RSU1: variants seen among roughly 807,000 people sequenced by gnomAD.
The protein encoded by RSU1 is rsu-1.
In RSU1, 26 loss-of-function variants were observed where a neutral mutation model predicts 31.1. The observed-to-expected ratio is 0.84, with a 90% confidence interval of 0.61 to 1.16. The LOEUF (loss-of-function observed/expected upper bound fraction) is 1.16, where lower values mean the gene tolerates loss of function less well. Ranked by LOEUF, RSU1 falls within the 50% of genes most tolerant of loss-of-function variation. The pLI, the probability that RSU1 is intolerant of heterozygous loss-of-function variation, is 0.00. For missense variants in RSU1, 320 were observed against 339.1 expected (o/e 0.94, Z 0.44); for synonymous variants, 164 against 136.3 (o/e 1.20, Z -1.41).
chr10:16,727,026 C>A, intron 7 of RSU1: 1 of 456,048 alleles, frequency 2.2e-6, no homozygotes, highest in Non-Finnish European at 4.4e-6. Context: ...GCTTTAACAA[C>A]TTACCTGAAG....
intron 7 of RSU1, among the ~76,000 whole-genome samples, chr10:16,751,977 G>A (rs192133288): frequency 1.8e-4 from 28 of 152,184 alleles, no homozygotes; most frequent in African/African-American, 6.0e-4. Flanking sequence ...AGGATTCAGC[G>A]GCCAGGAGTA....
chr10:16,767,033 AAAAAG>A (rs1371173355), intron 3 of RSU1, among the ~76,000 whole-genome samples: 1 of 151,636 alleles, frequency 6.6e-6, no homozygotes, highest in Non-Finnish European at 1.5e-5. Flanking sequence ...AAAAAAAAAA[AAAAAG>A]AAAAGAAAAT....
chr10:16,598,181 A>T (rs1470170084), intron 8 of RSU1, among the ~76,000 whole-genome samples: 1 of 152,124 alleles, frequency 6.6e-6, no homozygotes, highest in East Asian at 1.9e-4. Flanking sequence ...AAGAACCTTG[A>T]GCTGGGAAGA....
Position 16,771,404 on chromosome 10 carries a change from G to C in RSU1, c.161-6894C>G, listed in dbSNP as rs114287706. Among the ~76,000 whole-genome samples the C allele has an allele frequency of 3.7e-3, 562 of 152,286 alleles. 5 individuals carry two copies. Among genetic ancestry groups the C allele is most frequent in the African/African-American group, 0.013 (539 of 41,550 alleles). On this transcript the variant is annotated intron_variant, in intron 3 of 8. Transcript: ENST00000345264. ...TGGGGCATCCATGGTCAAAGTAAAAGCACAGCCTTTTTAATCTCTAGCTGT... is the reference window on the plus strand; with the variant it reads ...TGGGGCATCCATGGTCAAAGTAAAACCACAGCCTTTTTAATCTCTAGCTGT...
chr10:16,728,614 C>T (rs1446832063), intron 7 of RSU1, among the ~76,000 whole-genome samples: 4 of 152,156 alleles, frequency 2.6e-5, no homozygotes, highest in Non-Finnish European at 5.9e-5. Flanking sequence ...TGTCCCAATC[C>T]CTGGAACCTG....
chr10:16,690,430 A>G (rs1218413052), intron 8 of RSU1, among the ~76,000 whole-genome samples: 4 of 152,148 alleles, frequency 2.6e-5, no homozygotes, highest in Non-Finnish European at 5.9e-5. Flanking sequence ...CACCTGAGAC[A>G]TGATGAAGGG....
chr10:16,738,965 G>A (rs192761260), intron 7 of RSU1, among the ~76,000 whole-genome samples: 1 of 150,446 alleles, frequency 6.6e-6, no homozygotes, highest in East Asian at 2.0e-4. Context: ...TGTGGTGTTT[G>A]GTTTTCTGTT....
intron 7 of RSU1, among the ~76,000 whole-genome samples, chr10:16,698,434 T>C (rs1306825882): frequency 1.3e-5 from 2 of 152,192 alleles, no homozygotes; most frequent in African/African-American, 2.4e-5. Context: ...ACACAGCCTC[T>C]TGTTAACTTA....
intron 8 of RSU1, among the ~76,000 whole-genome samples, chr10:16,607,975 C>A (rs551089625): frequency 2.0e-5 from 3 of 152,256 alleles, no homozygotes; most frequent in South Asian, 2.1e-4. Flanking sequence ...GGATTACAGG[C>A]ACATACCACC....
intron 8 of RSU1, among the ~76,000 whole-genome samples, chr10:16,684,817 A>T (rs1257009473): frequency 6.6e-6 from 1 of 152,208 alleles, no homozygotes; most frequent in African/African-American, 2.4e-5. Context: ...CCCAAAAGCC[A>T]CTGTACTTAT....
chr10:16,787,406 G>A (rs569052886), intron 2 of RSU1, among the ~76,000 whole-genome samples: 68 of 152,186 alleles, frequency 4.5e-4, no homozygotes, highest in Middle Eastern at 3.4e-3. Flanking sequence ...CACTCTGCCT[G>A]GGCCCCGACT....
intron 7 of RSU1, among the ~76,000 whole-genome samples, chr10:16,751,602 T>C (rs1290548875): frequency 6.6e-6 from 1 of 152,218 alleles, no homozygotes; most frequent in Non-Finnish European, 1.5e-5. Flanking sequence ...TCTGAGCACC[T>C]ACTGTACCCG....
At chr10:16,683,303 A>G (rs1835371443) in intron 8 of RSU1, among the ~76,000 whole-genome samples, 1 of 152,132 alleles carries the variant, frequency 6.6e-6, no homozygotes, top group African/African-American at 2.4e-5. Flanking sequence ...ATGAAGGAAC[A>G]AATTCATAAA....
chr10:16,787,237 T>C (rs1418658237), intron 2 of RSU1, among the ~76,000 whole-genome samples: 1 of 152,146 alleles, frequency 6.6e-6, no homozygotes, highest in Non-Finnish European at 1.5e-5. Context: ...TTTTATTAAG[T>C]CTTCACGTGA....
At chr10:16,813,009 G>A (rs1318792970) in intron 2 of RSU1, among the ~76,000 whole-genome samples, 1 of 150,200 alleles carries the variant, frequency 6.7e-6, no homozygotes, top group Non-Finnish European at 1.5e-5. Flanking sequence ...TAAGAGACAA[G>A]GTCTTGTTCT....
At chr10:16,778,857 G>A (rs535940612) in intron 3 of RSU1, among the ~76,000 whole-genome samples, 2 of 152,324 alleles carry the variant, frequency 1.3e-5, no homozygotes, top group South Asian at 4.1e-4. Flanking sequence ...GAGGGGCAGT[G>A]AGTGCATGAG....
chr10:16,617,423 T>C (rs989294066), intron 8 of RSU1, among the ~76,000 whole-genome samples: 5 of 152,132 alleles, frequency 3.3e-5, no homozygotes, highest in African/African-American at 4.8e-5. Context: ...AAGTAATCTA[T>C]AGATTCAATG....
chr10:16,762,818 T>A (rs1837235793), intron 4 of RSU1, among the ~76,000 whole-genome samples: 1 of 151,906 alleles, frequency 6.6e-6, no homozygotes, highest in Non-Finnish European at 1.5e-5. Flanking sequence ...ATTGAGACCA[T>A]CCTGGCCAAC....
Position 16,782,069 on chromosome 10 carries a change from A to T in RSU1, c.125T>A (p.Ile42Asn), listed in dbSNP as rs1564355536. The change falls in exon 3 of 9, where the codon ATC becomes AAC. Residue 42 changes from isoleucine to asparagine, a missense_variant. Ile to Asn is a moderately radical substitution (Grantham distance 149). Transcript: ENST00000345264. ...DVNGLFTLSH[I>N]TQLVLSHNKL... ...GTTATGGCTGAGGACCAGTTGTGTG[A>T]TATGGGATAAGGTAACTAAAAAGAA... The T allele has an allele frequency of 4.3e-6, 7 of 1,612,598 alleles. No homozygotes were observed. The highest frequency in any genetic ancestry group is 4.2e-6 in the Non-Finnish European group (5 of 1,179,226).
Sources: allele counts gnomAD v4.1 joint callset (sites outside exome capture counted in the v4.1 genomes callset), GRCh38; gene constraint gnomAD v4.1.1; transcripts MANE v1.5; gene names NCBI Gene and HGNC (gene_info 2026-07-23, HGNC 2026-07-21).